Variants in UGT8 observed in about 807,000 individuals in gnomAD.
UGT8 encodes UDP glycosyltransferase 8, also known as 2-hydroxyacylsphingosine 1-beta-galactosyltransferase.
Under a neutral mutation model 40.5 loss-of-function variants are expected in UGT8, and 12 were observed. That is an observed-to-expected ratio of 0.30 (90% confidence interval 0.19 to 0.48). UGT8 has a LOEUF of 0.48. UGT8 is among the 20% of genes least tolerant of loss of function. The probability of loss-of-function intolerance (pLI) is 0.99; values close to 1 mark genes in which losing one functional copy is unlikely to be tolerated. For missense variants in UGT8, 513 were observed against 648.7 expected (o/e 0.79, Z 2.27); for synonymous variants, 224 against 240.4 (o/e 0.93, Z 0.63).
At chr4:114,598,744 G>C (rs925951322), upstream of UGT8, 5 of 152,026 alleles carry the variant, frequency 3.3e-5, no homozygotes, top group Non-Finnish European at 5.9e-5. Flanking sequence ...AGCTGCGGAC[G>C]AGCAGGCGCG....
chr4:114,645,926 A>G (rs1363583493), intron 2 of UGT8, among the ~76,000 whole-genome samples: 1 of 152,200 alleles, frequency 6.6e-6, no homozygotes, highest in Non-Finnish European at 1.5e-5. Flanking sequence ...AAGGGACAGA[A>G]GAGAGAATGA....
At chr4:114,666,888 C>T (rs983471181) in intron 4 of UGT8, among the ~76,000 whole-genome samples, 9 of 152,118 alleles carry the variant, frequency 5.9e-5, no homozygotes, top group Non-Finnish European at 1.0e-4. Flanking sequence ...TGTGAGTCCT[C>T]TAATAGCTTC....
intron 1 of UGT8, among the ~76,000 whole-genome samples, chr4:114,604,820 A>T (rs545082639): frequency 6.6e-6 from 1 of 152,240 alleles, no homozygotes; most frequent in East Asian, 1.9e-4. Context: ...TTATATCTGT[A>T]GTTTTAATAT....
intron 1 of UGT8, among the ~76,000 whole-genome samples, chr4:114,609,656 C>T (rs898004642): frequency 2.0e-5 from 3 of 152,084 alleles, no homozygotes; most frequent in African/African-American, 7.2e-5. Context: ...ATGGGATAGG[C>T]ATCTGCCCAT....
intron 2 of UGT8, among the ~76,000 whole-genome samples, chr4:114,662,161 T>A (rs1734583587): frequency 1.3e-5 from 2 of 152,236 alleles, no homozygotes; most frequent in African/African-American, 2.4e-5. Flanking sequence ...TATCATAAGT[T>A]GAAAATATTT....
intron 5 of UGT8, among the ~76,000 whole-genome samples, chr4:114,673,995 A>G (rs1032211484): frequency 6.6e-6 from 1 of 152,178 alleles, no homozygotes; most frequent in Admixed American, 6.5e-5. Context: ...ACATACTTTT[A>G]TGTAATAGCC....
At position 114,662,209 on chromosome 4, in the gene UGT8, G is replaced by A. The variant is rs550136017; in HGVS notation, c.823-1786G>A. Among the ~76,000 whole-genome samples the A allele has an allele frequency of 1.8e-4, 27 of 152,210 alleles. 1 individual carries two copies. The South Asian group carries it at 3.9e-3, about 22-fold the overall frequency. ...TGTTTAATACACCTAACATACCAAC[G>A]TCATAGCCTAGCCTACCTGAAACGT... On this transcript the variant is annotated intron_variant, in intron 2 of 5. Coordinates refer to ENST00000310836, the MANE Select transcript of UGT8 (RefSeq NM_001128174.3).
rs1378733684 is a variant in UGT8, at chr4:114,623,432, C to A, written c.552C>A (p.Leu184=). Residue 184 remains leucine, a synonymous_variant, in exon 2 of 6, where the codon CTC becomes CTA. Coordinates refer to ENST00000310836, the MANE Select transcript of UGT8 (RefSeq NM_001128174.3). ...LAYVPEFNSL[L]TDRMNLLQRM... is the part of the protein sequence containing the mutation. ...ACGTCCCAGAGTTTAACTCACTCCT[C>A]ACAGACCGCATGAACTTGCTGCAAA... The A allele has an allele frequency of 6.2e-7, 1 of 1,614,090 alleles. No individual in the cohort carries two copies. The highest frequency in any genetic ancestry group is 8.5e-7 in the Non-Finnish European group (1 of 1,180,038).
chr4:114,660,890 C>CAAA (rs34026143), intron 2 of UGT8, among the ~76,000 whole-genome samples: 18 of 102,994 alleles, frequency 1.7e-4, no homozygotes, highest in African/African-American at 6.9e-4. Flanking sequence ...GACTCTGTCT[C>CAAA]AAAAAAAAAA....
intron 2 of UGT8, among the ~76,000 whole-genome samples, chr4:114,633,628 C>G (rs1329730771): frequency 6.6e-6 from 1 of 152,158 alleles, no homozygotes; most frequent in Non-Finnish European, 1.5e-5. Flanking sequence ...TGGGCTTTAA[C>G]ATGATTGGAT....
intron 4 of UGT8, 60 bp from the exon 5 acceptor site, chr4:114,668,025 G>GAA: frequency 6.4e-7 from 1 of 1,569,690 alleles, no homozygotes; most frequent in East Asian, 2.2e-5. Flanking sequence ...GAATTTCTGG[G>GAA]AAAATCTCTT....
chr4:114,633,276 CAAATT>C (rs538862702), intron 2 of UGT8, among the ~76,000 whole-genome samples: 183 of 152,208 alleles, frequency 1.2e-3, no homozygotes, highest in African/African-American at 4.3e-3. Context: ...AAGATGTAAA[CAAATT>C]AATATGATGC....
intron 2 of UGT8, among the ~76,000 whole-genome samples, chr4:114,655,947 C>T (rs897273633): frequency 3.9e-5 from 6 of 152,020 alleles, no homozygotes; most frequent in African/African-American, 1.2e-4. Context: ...TGAAGGATAT[C>T]GGCCTGTTGT....
chr4:114,599,936 T>G (rs1730342259), intron 1 of UGT8, among the ~76,000 whole-genome samples: 1 of 152,088 alleles, frequency 6.6e-6, no homozygotes. Flanking sequence ...GTTTATAAAA[T>G]TGAGTACGGT....
chr4:114,642,520 G>A (rs985197482), intron 2 of UGT8, among the ~76,000 whole-genome samples: 5 of 152,064 alleles, frequency 3.3e-5, no homozygotes, highest in African/African-American at 9.7e-5. Flanking sequence ...TAACTTCTCA[G>A]GCTGTGACTA....
chr4:114,631,467 A>T (rs1732570625), intron 2 of UGT8, among the ~76,000 whole-genome samples: 1 of 152,264 alleles, frequency 6.6e-6, no homozygotes, highest in Non-Finnish European at 1.5e-5. Context: ...AGCCTGGGCG[A>T]CAGAGTGAGA....
At chr4:114,623,845 C>T (rs1732013474) in intron 2 of UGT8, 143 bp downstream of exon 2, 2 of 1,171,294 alleles carry the variant, frequency 1.7e-6, no homozygotes, top group Non-Finnish European at 2.3e-6. Context: ...CCTCCAAAGT[C>T]CCTTTATGTG....
rs1419664421 is a variant in UGT8, at chr4:114,668,315, A to G, written c.1262+11A>G. The G allele has an allele frequency of 6.2e-7, 1 of 1,610,800 alleles. No homozygotes were observed. ...TATCAATAATCCCAGGTAAGGTTTC[A>G]ATTAACATTAAAGCTGATGAACTTA... On this transcript the variant is annotated intron_variant, in intron 5 of 5. Transcript: ENST00000310836.
Position 114,656,887 on chromosome 4 carries a change from C to G in UGT8, c.823-7108C>G. The G allele has an allele frequency of 6.3e-6, 3 of 474,026 alleles. 1 individual carries two copies. Among genetic ancestry groups the G allele is most frequent in the South Asian group, 4.8e-5 (3 of 63,072 alleles). 29.4% of individuals were successfully genotyped at this position (474,026 alleles called of 1,614,324 possible). A position where few individuals can be genotyped will look rare whatever the true frequency, so the allele number is the denominator to read the frequency against. ...ACGGCCTCATTAAAAAATATAAACT[C>G]TCTGAAGACAGAACATTTTGTTTAT... On this transcript the variant is annotated intron_variant, in intron 2 of 5. Coordinates refer to ENST00000310836, the MANE Select transcript of UGT8 (RefSeq NM_001128174.3).
Sources: allele counts gnomAD v4.1 joint callset (sites outside exome capture counted in the v4.1 genomes callset), GRCh38; gene constraint gnomAD v4.1.1; transcripts MANE v1.5; gene names NCBI Gene and HGNC (gene_info 2026-07-23, HGNC 2026-07-21).